The following PTPRU variants were observed in gnomAD, a reference collection of about 807,000 sequenced individuals.
PTPRU encodes receptor-type tyrosine-protein phosphatase U.
PTPRU carries 69 observed loss-of-function variants against 166.3 expected under a neutral mutation model. The ratio of observed to expected loss-of-function variants is 0.41; its 90% CI spans 0.34 to 0.51. The LOEUF is 0.51. Among genes scored for constraint, PTPRU ranks in the 20% least tolerant of loss-of-function variants. PTPRU has a pLI of 0.09. For synonymous variants in PTPRU, 793 were observed against 814.0 expected, an observed-to-expected ratio of 0.97 and a Z score of 0.44; for missense variants, 1,657 against 2,013.7, an observed-to-expected ratio of 0.82 and a Z score of 3.39.
chr1:29,280,054 A>G lies in PTPRU; in HGVS notation c.1781A>G (p.Tyr594Cys). 1.2e-6 allele frequency: 2 copies of G among 1,613,564 alleles called. No individual in the cohort carries two copies. The highest frequency in any genetic ancestry group is 1.3e-5 in the African/African-American group (1 of 75,038). ...CCTTCTCCAGCTCCCAGCTTTGATT[A>G]TGCCGACATGCCGTCACCCCTGGGC... ...TTNISAPSFD[Y>C]ADMPSPLGES... is the part of the protein sequence containing the mutation. Residue 594 changes from tyrosine (Y) to cysteine (C), a missense_variant, in exon 11 of 30, where the codon TAT (tyrosine) becomes TGT (cysteine). Tyr to Cys is a radical substitution (Grantham distance 194, BLOSUM62 -2). This residue lies in a region of PTPRU where 1,190 missense variants were observed against 1,477.4 expected (regional missense o/e 0.81). Transcript: ENST00000373779. This position sits in a 1 kb window ranked among gnomAD's most constrained non-coding sequence, Gnocchi z 4.2.
chr1:29,323,276 A>T (rs997140960), intron 26 of PTPRU, 95 bp from the exon 27 acceptor site: 11 of 1,478,026 alleles, frequency 7.4e-6, no homozygotes, highest in African/African-American at 1.4e-5. Context: ...CGTGGGAGCC[A>T]CAGGGCAAGT....
Position 29,326,396 on chromosome 1 carries a change from GCC to G in PTPRU, c.*740_*741del, listed in dbSNP as rs967024602. On this transcript the variant is annotated 3_prime_UTR_variant, in exon 30 of 30. Coordinates refer to ENST00000373779, the MANE Select transcript of PTPRU (RefSeq NM_133178.4). Reference sequence around the variant, plus strand: ...CACTGTTGCAGAATGAAGTCACCTCGCCCCCCTCTTCCTTTAATCTTCAGGCC... The same window carrying G: ...CACTGTTGCAGAATGAAGTCACCTCGCCCCTCTTCCTTTAATCTTCAGGCC... 5.9e-5 allele frequency: 9 copies of G among 153,212 alleles called. No homozygotes were observed. Among genetic ancestry groups the G allele is most frequent in the African/African-American group, 2.2e-4 (9 of 41,452 alleles). 9.5% of individuals were successfully genotyped at this position (153,212 alleles called of 1,614,324 possible).
intron 21 of PTPRU, among the ~76,000 whole-genome samples, chr1:29,312,324 G>A (rs892808292): frequency 1.3e-5 from 2 of 152,188 alleles, no homozygotes; most frequent in Non-Finnish European, 2.9e-5. Flanking sequence ...TCCAAATCCT[G>A]CATGTTGTTG....
Position 29,311,287 on chromosome 1 carries a change from C to T in PTPRU, c.2858-169C>T. On this transcript the variant is annotated intron_variant, in intron 19 of 29. Transcript: ENST00000373779. The surrounding 1 kb of genome is among the most constrained non-coding windows in gnomAD (Gnocchi z 4.1). Reference sequence around the variant, plus strand: ...CTCCTGATGCTACCCAACCTCAGGGCCCTACAGGCATGCGTCAGCTGCAAG... The same window carrying T: ...CTCCTGATGCTACCCAACCTCAGGGTCCTACAGGCATGCGTCAGCTGCAAG... 2 of 643,914 alleles carry T rather than the reference C, an allele frequency of 3.1e-6. No individual in the cohort carries two copies. The highest frequency in any genetic ancestry group is 5.4e-6 in the Non-Finnish European group (2 of 370,920). The allele number at this position is 643,914 out of a possible 1,614,324, so 39.9% of individuals were successfully genotyped here.
At chr1:29,255,696 C>T (rs1002474622) in intron 2 of PTPRU, among the ~76,000 whole-genome samples, 1 of 152,194 alleles carries the variant, frequency 6.6e-6, no homozygotes, top group Admixed American at 6.5e-5. Context: ...CTCCCACTCT[C>T]AGTTCTTCCT....
Position 29,257,643 on chromosome 1 carries a change from G to A in PTPRU, c.206-862G>A, listed in dbSNP as rs894817119. 6.6e-6 allele frequency among the ~76,000 whole-genome samples: 1 copy of A among 152,240 alleles called. No homozygotes were observed. The highest frequency in any genetic ancestry group is 2.4e-5 in the African/African-American group (1 of 41,452). On this transcript the variant is annotated intron_variant, in intron 2 of 29. Transcript: ENST00000373779. This position sits in a 1 kb window ranked among gnomAD's most constrained non-coding sequence, Gnocchi z 4.6. ...TGTATTCCAGGAATTTAGACTCAGG[G>A]ATGGGGGCTGGAAGGGAAGTTGGAA...
At chr1:29,295,621 T>C (rs1171920345) in intron 15 of PTPRU, among the ~76,000 whole-genome samples, 1 of 152,228 alleles carries the variant, frequency 6.6e-6, no homozygotes, top group East Asian at 1.9e-4. Context: ...TTTTCAAATA[T>C]TACATTTCCA....
Position 29,236,812 on chromosome 1 carries a change from T to C in PTPRU, c.73+95T>C. ...AGTGTGAGTGTTGAGTGACCGGGCGTTACGAGCGTGCTCCCTGTGTGTGTC... is the reference window on the plus strand; with the variant it reads ...AGTGTGAGTGTTGAGTGACCGGGCGCTACGAGCGTGCTCCCTGTGTGTGTC... On this transcript the variant is annotated intron_variant, in intron 1 of 29. Transcript: ENST00000373779. This position sits in a 1 kb window ranked among gnomAD's most constrained non-coding sequence, Gnocchi z 4.6. 1 of 1,164,708 alleles carries C rather than the reference T, an allele frequency of 8.6e-7. No homozygotes were observed. The highest frequency in any genetic ancestry group is 2.6e-5 in the South Asian group (1 of 38,828). 72.1% of individuals were successfully genotyped at this position (1,164,708 alleles called of 1,614,324 possible).
chr1:29,242,341 C>T (rs1244710410), intron 1 of PTPRU, among the ~76,000 whole-genome samples: 1 of 152,098 alleles, frequency 6.6e-6, no homozygotes, highest in Non-Finnish European at 1.5e-5. Flanking sequence ...GTAGCCCCTT[C>T]CCTGGGACTT....
chr1:29,317,296 C>T lies in PTPRU; in HGVS notation c.3514-452C>T, dbSNP rs771183194. 6.6e-6 allele frequency among the ~76,000 whole-genome samples: 1 copy of T among 152,134 alleles called. No individual in the cohort carries two copies. Among genetic ancestry groups the T allele is most frequent in the African/African-American group, 2.4e-5 (1 of 41,418 alleles). On this transcript the variant is annotated intron_variant, in intron 24 of 29. Coordinates refer to ENST00000373779, the MANE Select transcript of PTPRU (RefSeq NM_133178.4). The surrounding 1 kb of genome is among the most constrained non-coding windows in gnomAD (Gnocchi z 5.6). ...AGGAACGTGACCCCCTCTCCACGTG[C>T]CTGGAGTCCGCTTCTTGGAGGGTGT...
intron 1 of PTPRU, among the ~76,000 whole-genome samples, chr1:29,254,123 C>T (rs1433572417): frequency 6.6e-6 from 1 of 152,198 alleles, no homozygotes; most frequent in Admixed American, 6.5e-5. Context: ...GTACCAGTGG[C>T]TGGCAGGTAC....
Position 29,275,549 on chromosome 1 carries a change from A to G in PTPRU, c.1246A>G (p.Thr416Ala), listed in dbSNP as rs1244663161. The G allele has an allele frequency of 6.2e-7, 1 of 1,614,114 alleles. No individual in the cohort carries two copies. The part of the protein sequence containing the change: ...PLGYNVTRCH[T>A]YTVSLCYHYT... ...GGGCTACAACGTGACGCGTTGCCAC[A>G]CCTATACTGTGTCGCTGTGCTATCA... The change falls in exon 8 of 30, where the codon ACC becomes GCC. Residue 416 changes from threonine to alanine, a missense_variant. Thr to Ala is a moderately conservative substitution (Grantham distance 58). Coordinates refer to ENST00000373779, the MANE Select transcript of PTPRU (RefSeq NM_133178.4).
In PTPRU at chr1:29,259,576, C is replaced by A; in HGVS notation, c.675+12C>A. On this transcript the variant is annotated intron_variant, in intron 5 of 29. Coordinates refer to ENST00000373779, the MANE Select transcript of PTPRU (RefSeq NM_133178.4). ...GCTTCCTCTTGCAAGTGAGCGGGAG[C>A]GGTGATCTTGGCTGGGGGCGGGGTG... The A allele has an allele frequency of 2.5e-6, 1 of 405,106 alleles. No individual in the cohort carries two copies. Among genetic ancestry groups the A allele is most frequent in the Non-Finnish European group, 4.7e-6 (1 of 212,994 alleles). 25.1% of individuals were successfully genotyped at this position (405,106 alleles called of 1,614,324 possible).
chr1:29,306,813 T>C (rs539739842), intron 18 of PTPRU, among the ~76,000 whole-genome samples: 3 of 152,224 alleles, frequency 2.0e-5, no homozygotes, highest in South Asian at 2.1e-4. Context: ...CCAGAATCCC[T>C]TGCTGCCTCC....
At chr1:29,297,761 T>A (rs1363266798) in intron 15 of PTPRU, among the ~76,000 whole-genome samples, 1 of 152,174 alleles carries the variant, frequency 6.6e-6, no homozygotes, top group Non-Finnish European at 1.5e-5. Flanking sequence ...CTCCTGGGAT[T>A]CACTGATGAG....
In PTPRU at chr1:29,236,736, G is replaced by T. The variant is rs1335387757; in HGVS notation, c.73+19G>T. On this transcript the variant is annotated intron_variant, in intron 1 of 29. Coordinates refer to ENST00000373779, the MANE Select transcript of PTPRU (RefSeq NM_133178.4). The surrounding 1 kb of genome is among the most constrained non-coding windows in gnomAD (Gnocchi z 4.6). The stretch of plus-strand genomic sequence containing the variant: ...CCGGCAGGTAAGCGCGCGGCGGCCG[G>T]ACCGAGCCTGCCCCGCCGAGCCTCG... 5.0e-6 allele frequency: 7 copies of T among 1,413,006 alleles called. No homozygotes were observed. Among genetic ancestry groups the T allele is most frequent in the Admixed American group, 5.9e-5 (2 of 33,890 alleles). 87.5% of individuals were successfully genotyped at this position (1,413,006 alleles called of 1,614,324 possible).
intron 18 of PTPRU, among the ~76,000 whole-genome samples, chr1:29,306,783 G>C (rs1687410209): frequency 1.3e-5 from 2 of 152,138 alleles, no homozygotes; most frequent in Admixed American, 1.3e-4. Context: ...CCTGGGGCCA[G>C]ATGTGCCATG....
chr1:29,249,303 T>G (rs1208441128), intron 1 of PTPRU, among the ~76,000 whole-genome samples: 1 of 152,246 alleles, frequency 6.6e-6, no homozygotes, highest in East Asian at 1.9e-4. Flanking sequence ...CACCCCATCC[T>G]GAGCCCAGCC....
At chr1:29,313,050 G>C (rs1687741527) in intron 22 of PTPRU, among the ~76,000 whole-genome samples, 1 of 152,176 alleles carries the variant, frequency 6.6e-6, no homozygotes, top group South Asian at 2.1e-4. Flanking sequence ...CCGCGTGCTA[G>C]GCCTGGCCTG....
Sources: gnomAD v4.1 joint callset for allele counts (sites outside exome capture counted in the v4.1 genomes callset) on GRCh38, gnomAD v4.1.1 for gene constraint, gnomAD v4.1.1 regional missense constraint, Gnocchi (gnomAD v3.1) non-coding constraint, MANE v1.5 for transcripts, NCBI Gene and HGNC (gene_info 2026-07-23, HGNC 2026-07-21) for gene names.